PTPRN2: variants seen among roughly 807,000 people sequenced by gnomAD.
PTPRN2 encodes receptor-type tyrosine-protein phosphatase N2.
In PTPRN2, 74 loss-of-function variants were observed where a neutral mutation model predicts 118.8. The observed-to-expected ratio is 0.62, with a 90% CI of 0.52 to 0.76. The LOEUF (loss-of-function observed/expected upper bound fraction) is 0.76, where lower values mean the gene tolerates loss of function less well. Ranked by LOEUF, PTPRN2 falls within the 30% of genes least tolerant of loss-of-function variation. The probability of loss-of-function intolerance (pLI) is 0.00; values close to 1 mark genes in which losing one functional copy is unlikely to be tolerated. For missense variants in PTPRN2, 1,481 were observed against 1,394.4 expected (o/e 1.06, Z -0.99); for synonymous variants, 641 against 608.0 (o/e 1.05, Z -0.80).
At chr7:158,319,493 CTCACACAG>C (rs1802676321) in intron 2 of PTPRN2, among the ~76,000 whole-genome samples, 1 of 56,456 alleles carries the variant, frequency 1.8e-5, no homozygotes. Flanking sequence ...CTCCCTCACA[CTCACACAG>C]CCTCCCCCCA....
chr7:158,231,460 C>G (rs754448521), intron 3 of PTPRN2, among the ~76,000 whole-genome samples: 2 of 152,094 alleles, frequency 1.3e-5, no homozygotes, highest in Non-Finnish European at 2.9e-5. Flanking sequence ...CAATGGAACA[C>G]TGAAGTATAT....
chr7:158,205,052 G>T, intron 4 of PTPRN2, 119 bp downstream of exon 4: 1 of 873,036 alleles, frequency 1.1e-6, no homozygotes, highest in Non-Finnish European at 1.8e-6. Context: ...TGAAACGTCT[G>T]CACCAGAAAG....
intron 3 of PTPRN2, among the ~76,000 whole-genome samples, chr7:158,256,040 A>G (rs1392861025): frequency 6.6e-6 from 1 of 152,200 alleles, no homozygotes; most frequent in East Asian, 1.9e-4. Flanking sequence ...TTGATTTTGG[A>G]TGCCGTGATC....
chr7:158,528,242 G>T (rs1824936765), intron 1 of PTPRN2, among the ~76,000 whole-genome samples: 1 of 152,214 alleles, frequency 6.6e-6, no homozygotes, highest in Non-Finnish European at 1.5e-5. Flanking sequence ...CAGTGTGGTG[G>T]GGGTACCCGT....
At chr7:158,130,701 A>ACAC (rs1554549570) in intron 9 of PTPRN2, among the ~76,000 whole-genome samples, 1 of 147,988 alleles carries the variant, frequency 6.8e-6, no homozygotes. Context: ...ACATCTACCC[A>ACAC]ACACACACTC....
Position 158,581,821 on chromosome 7 carries a change from G to C in PTPRN2, c.112+5737C>G, listed in dbSNP as rs768515714. On this transcript the variant is annotated intron_variant, in intron 1 of 22. Coordinates refer to ENST00000389418, the MANE Select transcript of PTPRN2 (RefSeq NM_002847.5). ...CTCGTTTCTTTGTGTTACACACACA[G>C]AAGCCGTTCAAGACAAATGCAGCTC... Among the ~76,000 whole-genome samples the C allele has an allele frequency of 2.6e-5, 4 of 152,238 alleles. No homozygotes were observed. In the East Asian group the frequency reaches 5.8e-4, roughly 22 times the overall value.
intron 3 of PTPRN2, among the ~76,000 whole-genome samples, chr7:158,273,971 A>AGGAGCCGCAGACACAG (rs1477068640): frequency 9.8e-6 from 1 of 102,398 alleles, no homozygotes; most frequent in Non-Finnish European, 1.9e-5. Context: ...CAGACATGGG[A>AGGAGCCGCAGACACAG]GGAGCCGCAG....
intron 3 of PTPRN2, among the ~76,000 whole-genome samples, chr7:158,290,115 C>T (rs567820948): frequency 1.3e-5 from 2 of 152,050 alleles, no homozygotes; most frequent in African/African-American, 4.8e-5. Context: ...TGGGGGTGAG[C>T]CTGGGTCCTG....
At chr7:157,971,955 A>G (rs1261357196) in intron 11 of PTPRN2, among the ~76,000 whole-genome samples, 1 of 152,256 alleles carries the variant, frequency 6.6e-6, no homozygotes, top group African/African-American at 2.4e-5. Flanking sequence ...AGTTCTGCAT[A>G]CCCAAGTGAG....
intron 12 of PTPRN2, among the ~76,000 whole-genome samples, chr7:157,733,857 G>A (rs1371259630): frequency 6.2e-5 from 3 of 48,416 alleles, no homozygotes; most frequent in East Asian, 4.2e-4. Context: ...CGTCCCATGC[G>A]CCCAGCACAG....
At chr7:157,980,855 ACC>A (rs1339773634) in intron 11 of PTPRN2, among the ~76,000 whole-genome samples, 3 of 152,238 alleles carry the variant, frequency 2.0e-5, no homozygotes, top group Non-Finnish European at 4.4e-5. Context: ...GCCTGAGGAA[ACC>A]CAGGCTTAAA....
intron 12 of PTPRN2, among the ~76,000 whole-genome samples, chr7:157,809,591 C>T (rs1264941542): frequency 2.6e-5 from 4 of 152,158 alleles, no homozygotes; most frequent in African/African-American, 7.2e-5. Flanking sequence ...GGCCCTTATC[C>T]AGTACGGCCG....
intron 14 of PTPRN2, among the ~76,000 whole-genome samples, chr7:157,653,107 T>TGCCCCCCAGACGGTGCA (rs1032655014): frequency 6.6e-6 from 1 of 152,220 alleles, no homozygotes; most frequent in Non-Finnish European, 1.5e-5. Context: ...GTGCTGAGCC[T>TGCCCCCCAGACGGTGCA]GCCCCCCAGA....
intron 1 of PTPRN2, among the ~76,000 whole-genome samples, chr7:158,579,047 G>C (rs898828422): frequency 3.3e-5 from 5 of 152,192 alleles, no homozygotes; most frequent in Non-Finnish European, 7.3e-5. Context: ...ACAGGCGTGA[G>C]CCACTGCGCC....
At chr7:158,089,562 T>G (rs1427069888) in intron 10 of PTPRN2, among the ~76,000 whole-genome samples, 8 of 116,036 alleles carry the variant, frequency 6.9e-5, no homozygotes, top group Non-Finnish European at 1.1e-4. Context: ...CACACAAACC[T>G]TCTTCCCCTG....
chr7:158,071,689 AGGTGCTTGTGGTG>A (rs1811782237), intron 11 of PTPRN2, among the ~76,000 whole-genome samples: 9 of 66,454 alleles, frequency 1.4e-4, no homozygotes, highest in African/African-American at 4.6e-4. Context: ...CTCCTGGTGG[AGGTGCTTGTGGTG>A]GAGGTGCTCC....
rs186729290 is a variant in PTPRN2 at position 157,929,062 on chromosome 7, C to T, written c.1724-30325G>A. Among the ~76,000 whole-genome samples the T allele has an allele frequency of 1.0e-3, 156 of 152,220 alleles. 1 individual carries two copies. Among genetic ancestry groups the T allele is most frequent in the African/African-American group, 3.6e-3 (149 of 41,536 alleles). ...CTTTAGAGGCAGGAGAGTGGGGTCC[C>T]GGGGTGCCAGGTGTCTTGCTGAAGG... On this transcript the variant is annotated intron_variant, in intron 11 of 22. Transcript: ENST00000389418. The surrounding 1 kb of genome is among the most constrained non-coding windows in gnomAD (Gnocchi z 4.4).
chr7:157,950,685 G>A (rs1800754707), intron 11 of PTPRN2, among the ~76,000 whole-genome samples: 1 of 152,204 alleles, frequency 6.6e-6, no homozygotes, highest in African/African-American at 2.4e-5. Flanking sequence ...CTCACCCATG[G>A]AGCAGGCTTA....
chr7:157,795,062 T>G, intron 12 of PTPRN2, among the ~76,000 whole-genome samples: 1 of 131,460 alleles, frequency 7.6e-6, no homozygotes, highest in African/African-American at 3.0e-5. Flanking sequence ...GGGGTGGGGG[T>G]GTCAAGCTTG....
Sources: allele counts gnomAD v4.1 joint callset (sites outside exome capture counted in the v4.1 genomes callset), GRCh38; gene constraint gnomAD v4.1.1; non-coding constraint Gnocchi (gnomAD v3.1); transcripts MANE v1.5; gene names NCBI Gene and HGNC (gene_info 2026-07-23, HGNC 2026-07-21).